The following PAN3 variants were observed in gnomAD, a reference collection of about 807,000 sequenced individuals.
PAN3 encodes PAN2-PAN3 deadenylation complex subunit PAN3.
A neutral mutation model predicts 96.2 loss-of-function variants in PAN3; 19 were observed. The ratio of observed to expected loss-of-function variants is 0.20; its 90% CI spans 0.14 to 0.29. PAN3 has a LOEUF of 0.29. Among genes scored for constraint, PAN3 ranks in the 10% least tolerant of loss-of-function variants. The pLI is 1.00. For missense variants in PAN3, 882 were observed against 1,108.1 expected, an observed-to-expected ratio of 0.80 and a Z score of 2.90; for synonymous variants, 433 against 406.6, an observed-to-expected ratio of 1.06 and a Z score of -0.78.
intron 5 of PAN3, chr13:28,215,759 C>T: frequency 6.8e-7 from 1 of 1,461,168 alleles, no homozygotes; most frequent in Non-Finnish European, 9.5e-7. Context: ...GCTTCTCAGA[C>T]CATCCTCTTC....
At chr13:28,152,815 G>A (rs1382418917) in intron 1 of PAN3, among the ~76,000 whole-genome samples, 1 of 152,100 alleles carries the variant, frequency 6.6e-6, no homozygotes, top group Non-Finnish European at 1.5e-5. Flanking sequence ...TTCCTAACAA[G>A]TGAATAAAAG....
chr13:28,180,454 T>C (rs1380581563), intron 4 of PAN3, among the ~76,000 whole-genome samples: 1 of 152,208 alleles, frequency 6.6e-6, no homozygotes, highest in Non-Finnish European at 1.5e-5. Context: ...AAAATCTCTT[T>C]ACATTAGAAA....
intron 4 of PAN3, among the ~76,000 whole-genome samples, chr13:28,188,250 A>C (rs1178168909): frequency 6.6e-6 from 1 of 151,624 alleles, no homozygotes; most frequent in African/African-American, 2.4e-5. Flanking sequence ...ATAAGCCTGC[A>C]TTTTTTTTGC....
At chr13:28,180,169 C>G (rs1479705840) in intron 4 of PAN3, among the ~76,000 whole-genome samples, 2 of 152,162 alleles carry the variant, frequency 1.3e-5, no homozygotes, top group Non-Finnish European at 2.9e-5. Flanking sequence ...ATGACCTCAT[C>G]ATTACCATAG....
intron 6 of PAN3, among the ~76,000 whole-genome samples, chr13:28,224,482 G>A (rs1277780415): frequency 6.6e-6 from 1 of 152,172 alleles, no homozygotes; most frequent in Non-Finnish European, 1.5e-5. Context: ...GCAGAGATGA[G>A]TTCTTATATT....
intron 1 of PAN3, among the ~76,000 whole-genome samples, chr13:28,145,049 A>C (rs947365909): frequency 1.3e-5 from 2 of 152,020 alleles, no homozygotes; most frequent in African/African-American, 4.8e-5. Context: ...CATTTTGAGG[A>C]ATTTTTCCCC....
intron 9 of PAN3, among the ~76,000 whole-genome samples, chr13:28,264,203 T>C (rs1233267798): frequency 3.9e-5 from 6 of 152,164 alleles, no homozygotes; most frequent in African/African-American, 1.4e-4. Flanking sequence ...GTATAAAAAA[T>C]GTAAATAATT....
intron 1 of PAN3, among the ~76,000 whole-genome samples, chr13:28,139,734 A>G (rs980202833): frequency 6.6e-6 from 1 of 152,028 alleles, no homozygotes; most frequent in Non-Finnish European, 1.5e-5. Context: ...TAGAGTAGGG[A>G]TTTCACAAAG....
chr13:28,242,292 A>G (rs1883743405), intron 6 of PAN3, among the ~76,000 whole-genome samples: 1 of 152,116 alleles, frequency 6.6e-6, no homozygotes, highest in African/African-American at 2.4e-5. Flanking sequence ...AGTGCAGGCA[A>G]TTTGATGATG....
rs560065055 is a variant in PAN3, at chr13:28,144,302, C to T, written c.430+5215C>T. On this transcript the variant is annotated intron_variant, in intron 1 of 18. Transcript: ENST00000380958. The stretch of plus-strand genomic sequence containing the variant: ...CGCAGTCTCGGCTCACTGCGAGCTC[C>T]GCCTCCTGGGTTCACGCCATTCCTG... Among the ~76,000 whole-genome samples the T allele has an allele frequency of 4.9e-4, 73 of 150,488 alleles. 1 individual carries two copies. The highest frequency in any genetic ancestry group is 1.3e-3 in the African/African-American group (54 of 40,958).
chr13:28,282,211 T>C (rs1474207313), intron 17 of PAN3, among the ~76,000 whole-genome samples: 1 of 152,248 alleles, frequency 6.6e-6, no homozygotes, highest in Non-Finnish European at 1.5e-5. Flanking sequence ...ATGTTTGTAC[T>C]ACATAACTGT....
chr13:28,179,708 A>C (rs1211866835), intron 4 of PAN3, among the ~76,000 whole-genome samples: 1 of 115,228 alleles, frequency 8.7e-6, no homozygotes, highest in South Asian at 3.0e-4. Context: ...TGTCTCAGAC[A>C]AAAAAAAAAA....
At chr13:28,168,756 C>G (rs911683842) in intron 1 of PAN3, among the ~76,000 whole-genome samples, 1 of 151,566 alleles carries the variant, frequency 6.6e-6, no homozygotes, top group African/African-American at 2.4e-5. Context: ...TGGTGGCTCA[C>G]GCCTGTAATC....
chr13:28,252,078 G>A (rs1593565798), intron 6 of PAN3, among the ~76,000 whole-genome samples: 1 of 151,958 alleles, frequency 6.6e-6, no homozygotes, highest in African/African-American at 2.4e-5. Flanking sequence ...AGTAGAGATG[G>A]GGTTTTGCTG....
chr13:28,249,525 C>T (rs1884516990), intron 6 of PAN3, among the ~76,000 whole-genome samples: 1 of 151,888 alleles, frequency 6.6e-6, no homozygotes, highest in Non-Finnish European at 1.5e-5. Flanking sequence ...CTCGGCTCAC[C>T]ACAGCCTCCA....
At chr13:28,180,857 GT>G (rs558207695) in intron 4 of PAN3, among the ~76,000 whole-genome samples, 11 of 147,436 alleles carry the variant, frequency 7.5e-5, no homozygotes, top group East Asian at 4.0e-4. Flanking sequence ...GAAGGACTGA[GT>G]TTTTTTTTTT....
Position 28,280,549 on chromosome 13 carries a change from G to GC in PAN3, c.2319+8_2319+9insC. ...GAGGAAGACCTTGCAAAGGTAAAGA[G>GC]TGTAAATTTTTTTTTTTTTTTTTTT... On this transcript the variant is annotated intron_variant, in intron 16 of 18. Transcript: ENST00000380958. 7.7e-7 allele frequency: 1 copy of GC among 1,294,928 alleles called. No individual in the cohort carries two copies. The highest frequency in any genetic ancestry group is 1.3e-5 in the South Asian group (1 of 74,774). 80.2% of individuals were successfully genotyped at this position (1,294,928 alleles called of 1,614,324 possible). A position where few individuals can be genotyped will look rare whatever the true frequency, so the allele number is the denominator to read the frequency against.
chr13:28,240,625 G>A (rs1883568457), intron 6 of PAN3, among the ~76,000 whole-genome samples: 1 of 152,092 alleles, frequency 6.6e-6, no homozygotes, highest in Non-Finnish European at 1.5e-5. Flanking sequence ...TAGAAAATTG[G>A]GCTTTAGACA....
In PAN3 at chr13:28,173,078, ATACATTGT is replaced by A. The variant is rs1426575815; in HGVS notation, c.431-1191_431-1184del. On this transcript the variant is annotated intron_variant, in intron 1 of 18. Transcript: ENST00000380958. Reference sequence around the variant, plus strand: ...TTACAGAAATAACATTGATTCAGCTATACATTGTTAAGCTGTAGGGTGATGGTTACAGT... The same window carrying A: ...TTACAGAAATAACATTGATTCAGCTATAAGCTGTAGGGTGATGGTTACAGT... Among the ~76,000 whole-genome samples, 6 of 152,322 alleles carry A rather than the reference ATACATTGT, an allele frequency of 3.9e-5. No individual in the cohort carries two copies. The East Asian group carries it at 5.8e-4, about 15-fold the overall frequency.
Sources: allele counts gnomAD v4.1 joint callset (sites outside exome capture counted in the v4.1 genomes callset), GRCh38; gene constraint gnomAD v4.1.1; transcripts MANE v1.5; gene names NCBI Gene and HGNC (gene_info 2026-07-23, HGNC 2026-07-21).